Variants in RUSC2 observed in about 807,000 individuals in gnomAD.
RUSC2 encodes AP-4 complex accessory subunit RUSC2.
Under a neutral mutation model 122.2 loss-of-function variants are expected in RUSC2, and 34 were observed. The ratio of observed to expected loss-of-function variants is 0.28; its 90% CI spans 0.21 to 0.37. RUSC2 has a LOEUF of 0.37. Ranked by LOEUF, RUSC2 falls within the 10% of genes least tolerant of loss-of-function variation. The pLI is 1.00. For missense variants in RUSC2, 1,747 were observed against 1,952.4 expected, an observed-to-expected ratio of 0.89 and a Z score of 1.98; for synonymous variants, 784 against 790.0, an observed-to-expected ratio of 0.99 and a Z score of 0.13.
rs1238492404 is a variant in RUSC2 at position 35,556,117 on chromosome 9, A to T, written c.2822A>T (p.His941Leu). 23 of 1,614,042 alleles carry T rather than the reference A, an allele frequency of 1.4e-5. No homozygotes were observed. Among genetic ancestry groups the T allele is most frequent in the Non-Finnish European group, 1.9e-5 (23 of 1,180,016 alleles). ...CCTGGCTCCCTCAGTGCTGCCAGCC[A>T]TCTGAACTGCCGGCTGAATGGTGTG... Reference protein sequence around the residue: ...EFPGSLSAASHLNCRLNGQAV... With the variant: ...EFPGSLSAASLLNCRLNGQAV... The change falls in exon 4 of 12, where the codon CAT becomes CTT. Residue 941 changes from histidine (H) to leucine (L), a missense_variant. Physicochemically the swap from His to Leu is moderately conservative, Grantham distance 99. Coordinates refer to ENST00000361226, the MANE Select transcript of RUSC2 (RefSeq NM_014806.5).
In RUSC2 at chr9:35,557,779, GAT is replaced by G; in HGVS notation, c.2984-133_2984-132del. On this transcript the variant is annotated intron_variant, in intron 5 of 11. Coordinates refer to ENST00000361226, the MANE Select transcript of RUSC2 (RefSeq NM_014806.5). This position sits in a 1 kb window ranked among gnomAD's most constrained non-coding sequence, Gnocchi z 4.6. Reference sequence around the variant, plus strand: ...GAAAAGGGCCAGGCCTGAATGTTTTGATAAGACCCATGTGCAGATGTGGAGAC... The same window carrying G: ...GAAAAGGGCCAGGCCTGAATGTTTTGAAGACCCATGTGCAGATGTGGAGAC... The G allele has an allele frequency of 1.4e-6, 1 of 729,376 alleles. No homozygotes were observed. The highest frequency in any genetic ancestry group is 2.5e-6 in the Non-Finnish European group (1 of 404,840). 45.2% of individuals were successfully genotyped at this position (729,376 alleles called of 1,614,324 possible).
chr9:35,496,149 C>T (rs1820708666), intron 1 of RUSC2, among the ~76,000 whole-genome samples: 1 of 152,002 alleles, frequency 6.6e-6, no homozygotes, highest in Non-Finnish European at 1.5e-5. Context: ...AGAGTCCGAA[C>T]GAGAAGCATG....
rs571323465 is a variant in RUSC2 at position 35,548,837 on chromosome 9, C to T, written c.2014+302C>T. 10 of 730,132 alleles carry T rather than the reference C, an allele frequency of 1.4e-5. 1 individual carries two copies. The East Asian group carries it at 1.3e-3, about 96-fold the overall frequency. 45.2% of individuals were successfully genotyped at this position (730,132 alleles called of 1,614,324 possible). A position where few individuals can be genotyped will look rare whatever the true frequency, so the allele number is the denominator to read the frequency against. ...TTGAGGTCAGGAGTTTGAGACCAGC[C>T]TGGCCAACATAATGAAACCCCAGCT... On this transcript the variant is annotated intron_variant, in intron 2 of 11. Coordinates refer to ENST00000361226, the MANE Select transcript of RUSC2 (RefSeq NM_014806.5). The surrounding 1 kb of genome is among the most constrained non-coding windows in gnomAD (Gnocchi z 4.5).
chr9:35,555,902 C>T lies in RUSC2; in HGVS notation c.2657-50C>T, dbSNP rs775463978. 3.3e-5 allele frequency: 52 copies of T among 1,587,354 alleles called. No homozygotes were observed. The highest frequency in any genetic ancestry group is 4.2e-5 in the Non-Finnish European group (49 of 1,163,006). On this transcript the variant is annotated intron_variant, in intron 3 of 11. Coordinates refer to ENST00000361226, the MANE Select transcript of RUSC2 (RefSeq NM_014806.5). The surrounding 1 kb of genome is among the most constrained non-coding windows in gnomAD (Gnocchi z 4.6). The stretch of plus-strand genomic sequence containing the variant: ...ACTGGGTGGATGTGAAACTCTGTCT[C>T]GCTGTCTCCTGCCAACTCTTGTCTT...
At position 35,560,788 on chromosome 9, in the gene RUSC2, G is replaced by A. The variant is rs1438823362; in HGVS notation, c.4148G>A (p.Gly1383Asp). ...EEGASEPSPG[G>D]IKWGHLFGSR... ...GGGGCCTCAGAGCCTTCACCTGGAG[G>A]CATCAAGTGGGGACACCTCTTTGGC... is the stretch of plus-strand genomic sequence containing the variant. The change falls in exon 10 of 12, where the codon GGC becomes GAC. Residue 1383 changes from glycine (G) to aspartate (D), a missense_variant. Transcript: ENST00000361226. 3 of 1,530,468 alleles carry A rather than the reference G, an allele frequency of 2.0e-6. No individual in the cohort carries two copies. Among genetic ancestry groups the A allele is most frequent in the African/African-American group, 2.8e-5 (2 of 72,136 alleles). 94.8% of individuals were successfully genotyped at this position (1,530,468 alleles called of 1,614,324 possible).
At chr9:35,545,293 T>C (rs991412110) in intron 1 of RUSC2, among the ~76,000 whole-genome samples, 3 of 152,070 alleles carry the variant, frequency 2.0e-5, no homozygotes, top group Admixed American at 1.3e-4. Flanking sequence ...AAGGAAATGA[T>C]AGGAATAAAA....
intron 1 of RUSC2, chr9:35,539,088 A>C (rs1311535078): frequency 6.6e-6 from 1 of 152,242 alleles, no homozygotes; most frequent in Non-Finnish European, 1.5e-5. Flanking sequence ...TCAGGGGTCC[A>C]GCTCAAGGCT....
chr9:35,506,287 T>A (rs551419846), intron 1 of RUSC2, among the ~76,000 whole-genome samples: 1 of 152,350 alleles, frequency 6.6e-6, no homozygotes, highest in African/African-American at 2.4e-5. Context: ...ACTATCTGAA[T>A]TACATGTTAA....
intron 1 of RUSC2, among the ~76,000 whole-genome samples, chr9:35,528,588 C>G (rs959496338): frequency 6.6e-6 from 1 of 151,388 alleles, no homozygotes; most frequent in African/African-American, 2.4e-5. Flanking sequence ...CTCACTGGAG[C>G]CCAAAAGTCC....
In RUSC2 at chr9:35,555,045, A is replaced by G; in HGVS notation, c.2015-15A>G. The G allele has an allele frequency of 6.2e-7, 1 of 1,608,540 alleles. No homozygotes were observed. The highest frequency in any genetic ancestry group is 1.3e-5 in the African/African-American group (1 of 74,800). On this transcript the variant is annotated splice_polypyrimidine_tract_variant and intron_variant, in intron 2 of 11. Coordinates refer to ENST00000361226, the MANE Select transcript of RUSC2 (RefSeq NM_014806.5). The surrounding 1 kb of genome is among the most constrained non-coding windows in gnomAD (Gnocchi z 4.6). ...GTGTCTGTCTACTGATTTCTTCTCC[A>G]TCCCTTTGCTACAGGGGGTGGCACC...
chr9:35,547,894 A>G lies in RUSC2; in HGVS notation c.1373A>G (p.Gln458Arg). 1 of 1,614,214 alleles carries G rather than the reference A, an allele frequency of 6.2e-7. No individual in the cohort carries two copies. Among genetic ancestry groups the G allele is most frequent in the Non-Finnish European group, 8.5e-7 (1 of 1,180,040 alleles). ...AAGCCAGAAGTCCAGCCAGAGGAACAAGAAGCAGTGAGTTCCTCCACCCAA... is the reference window on the plus strand; with the variant it reads ...AAGCCAGAAGTCCAGCCAGAGGAACGAGAAGCAGTGAGTTCCTCCACCCAA... ...FQKPEVQPEE[Q>R]EAVSSSTQAA... The change falls in exon 2 of 12, where the codon CAA becomes CGA. Residue 458 changes from glutamine to arginine, a missense_variant. Physicochemically the swap from Gln to Arg is conservative, Grantham distance 43. Coordinates refer to ENST00000361226, the MANE Select transcript of RUSC2 (RefSeq NM_014806.5). This position sits in a 1 kb window ranked among gnomAD's most constrained non-coding sequence, Gnocchi z 4.6.
intron 1 of RUSC2, among the ~76,000 whole-genome samples, chr9:35,521,901 T>G (rs969453455): frequency 7.3e-5 from 11 of 151,484 alleles, no homozygotes; most frequent in African/African-American, 2.7e-4. Context: ...GATGACCTCC[T>G]GGGCATTGGC....
intron 1 of RUSC2, among the ~76,000 whole-genome samples, chr9:35,520,796 A>G (rs983591477): frequency 7.3e-5 from 11 of 151,502 alleles, no homozygotes; most frequent in Non-Finnish European, 1.5e-4. Context: ...TTCAGCATCC[A>G]CCCCTCGTAC....
chr9:35,560,876 T>C, intron 10 of RUSC2, 25 bp downstream of exon 10: 1 of 1,561,798 alleles, frequency 6.4e-7, no homozygotes, highest in East Asian at 2.2e-5. Flanking sequence ...ATGGTAGGGA[T>C]GGAGGGAGTA....
Position 35,525,200 on chromosome 9 carries a change from G to A in RUSC2, c.-92-21230G>A, listed in dbSNP as rs1315320039. ...AGAGAAATAATCTACCAGGGGTAGG[G>A]TGGGATAAATAAGTCTGGCTGTTGG... On this transcript the variant is annotated intron_variant, in intron 1 of 11. Coordinates refer to ENST00000361226, the MANE Select transcript of RUSC2 (RefSeq NM_014806.5). Among the ~76,000 whole-genome samples, 3 of 152,290 alleles carry A rather than the reference G, an allele frequency of 2.0e-5. No homozygotes were observed. In the East Asian group the frequency reaches 5.8e-4, roughly 29 times the overall value.
rs775076260 is a variant in RUSC2 at position 35,555,466 on chromosome 9, G to A, written c.2421G>A (p.Gln807=). The A allele has an allele frequency of 6.2e-7, 1 of 1,614,170 alleles. No individual in the cohort carries two copies. The highest frequency in any genetic ancestry group is 2.2e-5 in the East Asian group (1 of 44,880). ...ASTSCSPPPE[Q]PTATESLPPW... ...CTTCGTGCTCCCCTCCCCCAGAGCA[G>A]CCCACAGCCACAGAAAGCCTGCCCC... The change falls in exon 3 of 12, where the codon CAG becomes CAA. Residue 807 remains glutamine, a synonymous_variant. Coordinates refer to ENST00000361226, the MANE Select transcript of RUSC2 (RefSeq NM_014806.5). The surrounding 1 kb of genome is among the most constrained non-coding windows in gnomAD (Gnocchi z 4.6).
intron 1 of RUSC2, among the ~76,000 whole-genome samples, chr9:35,514,442 G>C (rs1171540254): frequency 6.6e-6 from 1 of 152,086 alleles, no homozygotes; most frequent in Non-Finnish European, 1.5e-5. Flanking sequence ...TGGATTTTAT[G>C]GAAAGCCTTC....
At chr9:35,499,279 T>G (rs1387909421) in intron 1 of RUSC2, among the ~76,000 whole-genome samples, 1 of 151,796 alleles carries the variant, frequency 6.6e-6, no homozygotes, top group African/African-American at 2.4e-5. Context: ...AGAGTGAAAC[T>G]CTCAAAAACA....
chr9:35,559,049 A>G (rs1324999525), intron 8 of RUSC2, among the ~76,000 whole-genome samples, 177 bp from the exon 9 acceptor site: 1 of 152,210 alleles, frequency 6.6e-6, no homozygotes, highest in Non-Finnish European at 1.5e-5. Context: ...ATTGGCTTGT[A>G]AATCACATGT....
Sources: allele counts gnomAD v4.1 joint callset (sites outside exome capture counted in the v4.1 genomes callset), GRCh38; gene constraint gnomAD v4.1.1; non-coding constraint Gnocchi (gnomAD v3.1); transcripts MANE v1.5; gene names NCBI Gene and HGNC (gene_info 2026-07-23, HGNC 2026-07-21).